Variants in SPON1 observed in about 807,000 individuals in gnomAD.
SPON1 encodes spondin-1.
Under a neutral mutation model 111.7 loss-of-function variants are expected in SPON1, and 52 were observed. The ratio of observed to expected loss-of-function variants is 0.47; its 90% confidence interval spans 0.37 to 0.59. The LOEUF is 0.59. SPON1 is among the 20% of genes least tolerant of loss of function. SPON1 has a pLI of 0.00. For synonymous variants in SPON1, 410 were observed against 395.8 expected (o/e 1.04, Z -0.43); for missense variants, 957 against 1,068.5 (o/e 0.90, Z 1.46).
chr11:14,109,373 G>A (rs1343795308), intron 5 of SPON1, among the ~76,000 whole-genome samples: 12 of 152,104 alleles, frequency 7.9e-5, no homozygotes, highest in Admixed American at 6.5e-4. Flanking sequence ...ACAGAAATAA[G>A]ATTAATACTG....
intron 5 of SPON1, among the ~76,000 whole-genome samples, chr11:14,112,732 G>C (rs1213921508): frequency 6.6e-6 from 1 of 152,172 alleles, no homozygotes; most frequent in Non-Finnish European, 1.5e-5. Flanking sequence ...CTGCTATCCA[G>C]CTGACTCTGT....
chr11:14,248,818 C>A (rs1849022573), intron 7 of SPON1, among the ~76,000 whole-genome samples: 1 of 152,180 alleles, frequency 6.6e-6, no homozygotes, highest in Non-Finnish European at 1.5e-5. Flanking sequence ...GCATCTTTAT[C>A]CCCAGGACCA....
chr11:14,229,970 G>T (rs1554938501), intron 6 of SPON1, among the ~76,000 whole-genome samples: 1 of 151,740 alleles, frequency 6.6e-6, no homozygotes. Context: ...GTGTGTGTGT[G>T]TGTGTGTGTG....
intron 5 of SPON1, among the ~76,000 whole-genome samples, chr11:14,083,303 G>T (rs1343391399): frequency 6.6e-6 from 1 of 152,118 alleles, no homozygotes; most frequent in Non-Finnish European, 1.5e-5. Context: ...GATTCAAATA[G>T]GTTCAAAAAA....
At chr11:14,128,137 A>T (rs1554927197) in intron 5 of SPON1, among the ~76,000 whole-genome samples, 1 of 152,210 alleles carries the variant, frequency 6.6e-6, no homozygotes, top group Non-Finnish European at 1.5e-5. Flanking sequence ...CTCACATTTC[A>T]AAACACAATC....
intron 7 of SPON1, among the ~76,000 whole-genome samples, chr11:14,246,697 G>C (rs1228179894): frequency 6.6e-6 from 1 of 152,150 alleles, no homozygotes; most frequent in African/African-American, 2.4e-5. Context: ...AAAGTCCTGT[G>C]AAAGGTGCTT....
At chr11:14,179,093 A>G (rs1554933439) in intron 6 of SPON1, among the ~76,000 whole-genome samples, 1 of 152,084 alleles carries the variant, frequency 6.6e-6, no homozygotes, top group African/African-American at 2.4e-5. Context: ...ATTTGTACTG[A>G]TCTCCTTTTT....
rs782027600 is a variant in SPON1, at chr11:14,231,803, T to TC, written c.826-11528dup. Among the ~76,000 whole-genome samples, 59 of 151,672 alleles carry TC rather than the reference T, an allele frequency of 3.9e-4. 1 individual carries two copies. The South Asian group carries it at 4.0e-3, about 10-fold the overall frequency. ...TGAATCCAAAGACTATACAGCAATG[T>TC]CTAAAAAAAAAAGATTCAAAAGTAT... On this transcript the variant is annotated intron_variant, in intron 6 of 15. Transcript: ENST00000576479.
At chr11:13,995,595 C>G (rs559589219) in intron 2 of SPON1, among the ~76,000 whole-genome samples, 1 of 152,212 alleles carries the variant, frequency 6.6e-6, no homozygotes, top group South Asian at 2.1e-4. Context: ...CCCACCAGGT[C>G]CCTCCCCTAC....
At chr11:14,199,828 C>G (rs966301947) in intron 6 of SPON1, among the ~76,000 whole-genome samples, 1 of 152,194 alleles carries the variant, frequency 6.6e-6, no homozygotes, top group African/African-American at 2.4e-5. Context: ...GTGGGGAACC[C>G]CTGCCTTAGA....
intron 6 of SPON1, among the ~76,000 whole-genome samples, chr11:14,223,517 G>A (rs782029677): frequency 6.6e-6 from 1 of 152,142 alleles, no homozygotes; most frequent in Non-Finnish European, 1.5e-5. Flanking sequence ...CCATAAATGG[G>A]GTCAATTGGT....
At chr11:14,203,885 A>G (rs1848488767) in intron 6 of SPON1, among the ~76,000 whole-genome samples, 1 of 152,224 alleles carries the variant, frequency 6.6e-6, no homozygotes, top group South Asian at 2.1e-4. Context: ...GAAGACATTA[A>G]CATACAGAAC....
intron 6 of SPON1, among the ~76,000 whole-genome samples, chr11:14,181,832 T>G (rs1310349011): frequency 6.6e-6 from 1 of 152,242 alleles, no homozygotes; most frequent in Non-Finnish European, 1.5e-5. Flanking sequence ...GGATTTTTTC[T>G]TTTCCTCATG....
intron 5 of SPON1, among the ~76,000 whole-genome samples, chr11:14,115,806 C>G (rs1344049323): frequency 6.6e-6 from 1 of 151,826 alleles, no homozygotes; most frequent in Non-Finnish European, 1.5e-5. Flanking sequence ...TGTGGAATTG[C>G]TGGGTTGTAA....
intron 5 of SPON1, among the ~76,000 whole-genome samples, chr11:14,086,702 A>G (rs1554922669): frequency 6.6e-6 from 1 of 152,082 alleles, no homozygotes; most frequent in Non-Finnish European, 1.5e-5. Flanking sequence ...TGTTGTTTGG[A>G]ATAGTTTCAG....
intron 15 of SPON1, among the ~76,000 whole-genome samples, chr11:14,264,241 T>G (rs1478793097): frequency 6.6e-6 from 1 of 152,082 alleles, no homozygotes; most frequent in Non-Finnish European, 1.5e-5. Context: ...CCAAGGATTT[T>G]GGGACCTGAT....
intron 5 of SPON1, among the ~76,000 whole-genome samples, chr11:14,133,118 G>A (rs1267251632): frequency 6.6e-6 from 1 of 152,158 alleles, no homozygotes; most frequent in Non-Finnish European, 1.5e-5. Context: ...ACAGCACATA[G>A]GATACTGCCT....
At chr11:14,136,006 G>A (rs1014002730) in intron 6 of SPON1, among the ~76,000 whole-genome samples, 1 of 152,138 alleles carries the variant, frequency 6.6e-6, no homozygotes. Context: ...TTAGTCGTTC[G>A]TTCATCATAA....
intron 2 of SPON1, among the ~76,000 whole-genome samples, chr11:14,023,554 T>C (rs1438621684): frequency 6.6e-6 from 1 of 151,976 alleles, no homozygotes; most frequent in African/African-American, 2.4e-5. Context: ...GATAAATTAA[T>C]AACCACATTT....
Sources: gnomAD v4.1 joint callset for allele counts (sites outside exome capture counted in the v4.1 genomes callset) on GRCh38, gnomAD v4.1.1 for gene constraint, MANE v1.5 for transcripts, NCBI Gene and HGNC (gene_info 2026-07-23, HGNC 2026-07-21) for gene names.